The following TRPC4 variants were observed in gnomAD, a reference collection of about 807,000 sequenced individuals.
The protein encoded by TRPC4 is transient receptor potential cation channel subfamily C member 4.
A neutral mutation model predicts 99.4 loss-of-function variants in TRPC4; 49 were observed. That is an observed-to-expected ratio of 0.49 (90% CI 0.39 to 0.63). The LOEUF (loss-of-function observed/expected upper bound fraction) is 0.63. TRPC4 is among the 20% of genes least tolerant of loss of function. The pLI, the probability that TRPC4 is intolerant of heterozygous loss-of-function variation, is 0.00. For missense variants in TRPC4, 898 were observed against 1,152.9 expected (o/e 0.78, Z 3.20); for synonymous variants, 454 against 425.9 (o/e 1.07, Z -0.81).
At chr13:37,763,093 A>T (rs994244050) in intron 2 of TRPC4, among the ~76,000 whole-genome samples, 2 of 151,228 alleles carry the variant, frequency 1.3e-5, no homozygotes, top group Admixed American at 6.6e-5. Flanking sequence ...ATGAATGGTT[A>T]AAAAAAACCT....
In TRPC4 at chr13:37,808,929, A is replaced by T. The variant is rs78190408; in HGVS notation, c.-27-25569T>A. ...TGAAACCGCCATCTAAGTGGCATGA[A>T]ATTCCTACATCATAGTGGTAAGACT... is the stretch of plus-strand genomic sequence containing the variant. On this transcript the variant is annotated intron_variant, in intron 1 of 10. Transcript: ENST00000379705. Among the ~76,000 whole-genome samples the T allele has an allele frequency of 5.3e-3, 802 of 152,200 alleles. 5 individuals are homozygous for T. The highest frequency in any genetic ancestry group is 0.018 in the African/African-American group (759 of 41,532).
intron 1 of TRPC4, among the ~76,000 whole-genome samples, chr13:37,855,337 G>GATATATAT (rs59525799): frequency 0.025 from 3,450 of 136,496 alleles, 65 homozygotes; most frequent in Middle Eastern, 0.045. Flanking sequence ...ATACAATGTA[G>GATATATAT]ATATATATAT....
intron 2 of TRPC4, among the ~76,000 whole-genome samples, chr13:37,765,246 G>A (rs976204120): frequency 6.6e-6 from 1 of 151,238 alleles, no homozygotes; most frequent in African/African-American, 2.4e-5. Flanking sequence ...TGTAGACCAG[G>A]TATTAATTCA....
intron 5 of TRPC4, among the ~76,000 whole-genome samples, chr13:37,670,351 A>G (rs1442280015): frequency 6.6e-6 from 1 of 152,082 alleles, no homozygotes; most frequent in Non-Finnish European, 1.5e-5. Flanking sequence ...TTGTAGGATG[A>G]TACAGTTTTT....
At chr13:37,848,573 G>T (rs74049207) in intron 1 of TRPC4, among the ~76,000 whole-genome samples, 2,478 of 152,240 alleles carry the variant, frequency 0.016, 71 homozygotes, top group African/African-American at 0.057. Flanking sequence ...AGTTTCCACT[G>T]AGAAGACCAG....
chr13:37,745,450 A>ATATATATATATGCG lies in TRPC4; in HGVS notation c.897+486_897+487insCGCATATATATATA, dbSNP rs1297156922. Among the ~76,000 whole-genome samples the ATATATATATATGCG allele has an allele frequency of 0.016, 47 of 2,980 alleles. No individual in the cohort carries two copies. In the East Asian group the frequency reaches 0.23, roughly 14 times the overall value. 2.0% of individuals were successfully genotyped at this position (2,980 alleles called of 152,430 possible). A position where few individuals can be genotyped will look rare whatever the true frequency, so the allele number is the denominator to read the frequency against. On this transcript the variant is annotated intron_variant, in intron 3 of 10. Coordinates refer to ENST00000379705, the MANE Select transcript of TRPC4 (RefSeq NM_016179.4). ...TATATATATGCGTATATATATATAT[A>ATATATATATATGCG]TATATATATATATATATATATATAC...
At chr13:37,671,576 T>A (rs201585701) in intron 5 of TRPC4, among the ~76,000 whole-genome samples, 1 of 147,096 alleles carries the variant, frequency 6.8e-6, no homozygotes, top group Non-Finnish European at 1.5e-5. Context: ...AAGACAAAAG[T>A]AAAAAAAAAA....
intron 3 of TRPC4, among the ~76,000 whole-genome samples, chr13:37,731,822 CTTT>C (rs1224478325): frequency 2.0e-3 from 303 of 152,190 alleles, no homozygotes; most frequent in African/African-American, 6.9e-3. Flanking sequence ...TAGTACGTCC[CTTT>C]CCCCACCTCC....
intron 1 of TRPC4, among the ~76,000 whole-genome samples, chr13:37,825,362 G>A (rs1275108607): frequency 6.7e-6 from 1 of 149,500 alleles, no homozygotes. Context: ...TAATTGTGAT[G>A]TTAGGGTGTC....
intron 1 of TRPC4, among the ~76,000 whole-genome samples, chr13:37,856,886 A>C (rs1959178739): frequency 6.6e-6 from 1 of 151,704 alleles, no homozygotes; most frequent in Non-Finnish European, 1.5e-5. Flanking sequence ...ATATAGAAAC[A>C]ATATACCTTC....
At chr13:37,691,659 T>C (rs149185636) in intron 4 of TRPC4, among the ~76,000 whole-genome samples, 552 of 152,324 alleles carry the variant, frequency 3.6e-3, no homozygotes, top group Non-Finnish European at 6.4e-3. Flanking sequence ...AGAAGACTTA[T>C]CTATTAGGAA....
chr13:37,722,577 G>A (rs529190321), intron 3 of TRPC4, among the ~76,000 whole-genome samples: 1 of 152,234 alleles, frequency 6.6e-6, no homozygotes, highest in South Asian at 2.1e-4. Flanking sequence ...AACTCTCAGG[G>A]CCATCAAATA....
chr13:37,768,355 C>T (rs17056602), intron 2 of TRPC4, among the ~76,000 whole-genome samples: 15,183 of 151,416 alleles, frequency 0.1, 1,117 homozygotes, highest in African/African-American at 0.21. Context: ...AAAAAAGACA[C>T]GCGGAGAGCC....
rs373279091 is a variant in TRPC4 at position 37,791,324 on chromosome 13, AG to A, written c.-27-7965del. On this transcript the variant is annotated intron_variant, in intron 1 of 10. Transcript: ENST00000379705. ...GGCAGGAGAATCGCTTGAACCTGGG[AG>A]GTGGAGGTTGCAGTGAGCCGATATC... Among the ~76,000 whole-genome samples the A allele has an allele frequency of 6.5e-3, 949 of 144,914 alleles. 9 individuals carry two copies. The highest frequency in any genetic ancestry group is 0.023 in the African/African-American group (909 of 39,420).
At chr13:37,771,558 AGTGTGTGTGTGTGT>A (rs34539317) in intron 2 of TRPC4, among the ~76,000 whole-genome samples, 2 of 147,502 alleles carry the variant, frequency 1.4e-5, no homozygotes, top group African/African-American at 2.5e-5. Flanking sequence ...AGTGTGCATG[AGTGTGTGTGTGTGT>A]GTGTGTGTGT....
intron 1 of TRPC4, among the ~76,000 whole-genome samples, chr13:37,797,930 G>A (rs1957300711): frequency 1.3e-5 from 2 of 152,192 alleles, no homozygotes; most frequent in South Asian, 2.1e-4. Flanking sequence ...ACATAAAGCT[G>A]CATTATGACT....
At chr13:37,794,899 T>C (rs941936707) in intron 1 of TRPC4, among the ~76,000 whole-genome samples, 5 of 152,118 alleles carry the variant, frequency 3.3e-5, no homozygotes, top group African/African-American at 1.2e-4. Flanking sequence ...ATAAACACAA[T>C]TAAGAGACAT....
intron 1 of TRPC4, among the ~76,000 whole-genome samples, chr13:37,840,249 G>A (rs1037611949): frequency 6.6e-6 from 1 of 152,020 alleles, no homozygotes; most frequent in Non-Finnish European, 1.5e-5. Flanking sequence ...CTGTAGAAAG[G>A]CAATGCTGCA....
chr13:37,847,339 G>A (rs551492219), intron 1 of TRPC4, among the ~76,000 whole-genome samples: 3 of 151,952 alleles, frequency 2.0e-5, no homozygotes, highest in South Asian at 4.2e-4. Context: ...CATATCAAGC[G>A]GTTTTTCAGA....
Sources: gnomAD v4.1 joint callset for allele counts (sites outside exome capture counted in the v4.1 genomes callset) on GRCh38, gnomAD v4.1.1 for gene constraint, MANE v1.5 for transcripts, NCBI Gene and HGNC (gene_info 2026-07-23, HGNC 2026-07-21) for gene names.